TLE4: variants seen among roughly 807,000 people sequenced by gnomAD.
TLE4 encodes TLE family member 4, transcriptional corepressor.
In TLE4, 8 loss-of-function variants were observed where a neutral mutation model predicts 92.8. That is an observed-to-expected ratio of 0.09 (90% CI 0.05 to 0.16). The LOEUF (loss-of-function observed/expected upper bound fraction) is 0.16. Ranked by LOEUF, TLE4 falls within the 10% of genes least tolerant of loss-of-function variation. TLE4 has a pLI of 1.00. For synonymous variants in TLE4, 371 were observed against 374.1 expected (o/e 0.99, Z 0.10); for missense variants, 675 against 997.6 (o/e 0.68, Z 4.36).
chr9:79,686,313 T>G (rs10867412), intron 8 of TLE4, among the ~76,000 whole-genome samples: 80,751 of 152,026 alleles, frequency 0.53, 24,155 homozygotes, highest in East Asian at 0.74. Flanking sequence ...TAAAACTTTT[T>G]TAAAAGCTTT....
chr9:79,719,458 A>G (rs1219597240), intron 15 of TLE4, among the ~76,000 whole-genome samples: 4 of 152,272 alleles, frequency 2.6e-5, no homozygotes, highest in Admixed American at 6.5e-5. Context: ...TTAAATATAC[A>G]TAAGATTCCC....
chr9:79,584,271 T>A (rs2040498515), intron 4 of TLE4, among the ~76,000 whole-genome samples: 1 of 152,244 alleles, frequency 6.6e-6, no homozygotes, highest in African/African-American at 2.4e-5. Context: ...CCGTCATCTC[T>A]AGTGAGAGAT....
intron 15 of TLE4, 69 bp downstream of exon 15, chr9:79,719,040 G>A: frequency 6.5e-7 from 1 of 1,548,920 alleles, no homozygotes; most frequent in Non-Finnish European, 8.7e-7. Context: ...TGAGAGAACT[G>A]TATGTATGAG....
intron 8 of TLE4, among the ~76,000 whole-genome samples, chr9:79,697,954 AC>A (rs1234853729): frequency 6.6e-6 from 1 of 152,182 alleles, no homozygotes; most frequent in East Asian, 1.9e-4. Context: ...GTGTTTCTGT[AC>A]TTAGTGGGTT....
At chr9:79,673,161 CAGAG>C (rs1366629947) in intron 8 of TLE4, among the ~76,000 whole-genome samples, 1 of 152,084 alleles carries the variant, frequency 6.6e-6, no homozygotes, top group Non-Finnish European at 1.5e-5. Context: ...GAATAAATAT[CAGAG>C]AGAATTGTAC....
intron 5 of TLE4, among the ~76,000 whole-genome samples, chr9:79,613,628 G>A (rs1370452216): frequency 6.6e-6 from 1 of 152,154 alleles, no homozygotes; most frequent in Non-Finnish European, 1.5e-5. Flanking sequence ...GGGCTGAGAA[G>A]GCACAGAGGC....
At chr9:79,697,291 C>T (rs2068525687) in intron 8 of TLE4, among the ~76,000 whole-genome samples, 1 of 152,124 alleles carries the variant, frequency 6.6e-6, no homozygotes, top group Non-Finnish European at 1.5e-5. Flanking sequence ...ATGCAGTTGG[C>T]AATTTTTATT....
intron 4 of TLE4, among the ~76,000 whole-genome samples, chr9:79,593,880 A>C (rs923653536): frequency 6.6e-6 from 1 of 152,318 alleles, no homozygotes; most frequent in African/African-American, 2.4e-5. Context: ...GTAACTTTAC[A>C]GTTTCTTCAA....
At chr9:79,716,928 T>C (rs949393925) in intron 14 of TLE4, among the ~76,000 whole-genome samples, 1 of 152,216 alleles carries the variant, frequency 6.6e-6, no homozygotes, top group Admixed American at 6.5e-5. Context: ...AAGAAATATG[T>C]GTTAAGTGAA....
At chr9:79,613,345 T>G (rs1267724864) in intron 5 of TLE4, among the ~76,000 whole-genome samples, 1 of 152,102 alleles carries the variant, frequency 6.6e-6, no homozygotes, top group Non-Finnish European at 1.5e-5. Context: ...CTAGTTCTCT[T>G]GCTCACCTAC....
chr9:79,717,264 T>A (rs926619959), intron 14 of TLE4, among the ~76,000 whole-genome samples: 5 of 152,204 alleles, frequency 3.3e-5, no homozygotes, highest in African/African-American at 1.2e-4. Flanking sequence ...AGTTATGCTT[T>A]CCTGTCATCT....
chr9:79,667,382 A>G (rs1416843233), intron 8 of TLE4, among the ~76,000 whole-genome samples: 1 of 152,224 alleles, frequency 6.6e-6, no homozygotes, highest in East Asian at 1.9e-4. Flanking sequence ...TTCATAAGCT[A>G]TACACTTAAG....
chr9:79,660,156 T>A (rs2060324081), intron 8 of TLE4, among the ~76,000 whole-genome samples: 1 of 152,224 alleles, frequency 6.6e-6, no homozygotes, highest in South Asian at 2.1e-4. Flanking sequence ...GTAGGAAGGC[T>A]ATGCCAGGTT....
At chr9:79,576,700 G>T (rs1360730535) in intron 4 of TLE4, 1 of 151,308 alleles carries the variant, frequency 6.6e-6, no homozygotes, top group East Asian at 1.9e-4. Flanking sequence ...GTCTTACCAA[G>T]AACTATAACC....
intron 14 of TLE4, among the ~76,000 whole-genome samples, chr9:79,715,351 G>A (rs1391238493): frequency 6.6e-6 from 1 of 151,892 alleles, no homozygotes; most frequent in African/African-American, 2.4e-5. Flanking sequence ...AAATCAATTA[G>A]CCTTTTTCTC....
At chr9:79,712,922 A>G (rs913334434) in intron 14 of TLE4, among the ~76,000 whole-genome samples, 7 of 152,382 alleles carry the variant, frequency 4.6e-5, no homozygotes, top group African/African-American at 1.4e-4. Context: ...GCTGCTCACA[A>G]TTCAGAAATC....
At chr9:79,611,247 C>T (rs1030986940) in intron 4 of TLE4, among the ~76,000 whole-genome samples, 1 of 152,054 alleles carries the variant, frequency 6.6e-6, no homozygotes, top group African/African-American at 2.4e-5. Flanking sequence ...TGGCTAAATG[C>T]TCCATGGGGC....
At chr9:79,707,533 A>G (rs2072002084) in intron 11 of TLE4, among the ~76,000 whole-genome samples, 1 of 152,246 alleles carries the variant, frequency 6.6e-6, no homozygotes, top group Admixed American at 6.5e-5. Flanking sequence ...TCAGTTTTCT[A>G]ATAACCTCTG....
At chr9:79,704,596 A>T in intron 8 of TLE4, 187 bp from the exon 9 acceptor site, 2 of 642,742 alleles carry the variant, frequency 3.1e-6, no homozygotes, top group African/African-American at 1.9e-5. Flanking sequence ...GTCTTTTGCT[A>T]CTTGTCTTTC....
Sources: gnomAD v4.1 joint callset for allele counts (sites outside exome capture counted in the v4.1 genomes callset) on GRCh38, gnomAD v4.1.1 for gene constraint, MANE v1.5 for transcripts, NCBI Gene and HGNC (gene_info 2026-07-23, HGNC 2026-07-21) for gene names.